The following PYGO1 variants were observed in gnomAD, a reference collection of about 807,000 sequenced individuals.
PYGO1 encodes pygopus family PHD finger 1, also known as pygopus homolog 1.
In PYGO1, 6 loss-of-function variants were observed where a neutral mutation model predicts 29.5. That is an observed-to-expected ratio of 0.20 (90% CI 0.11 to 0.40). The LOEUF (loss-of-function observed/expected upper bound fraction) is 0.40. PYGO1 is among the 10% of genes least tolerant of loss of function. The pLI is 1.00. For synonymous variants in PYGO1, 186 were observed against 180.5 expected, an observed-to-expected ratio of 1.03 and a Z score of -0.24; for missense variants, 515 against 514.9, an observed-to-expected ratio of 1.00 and a Z score of 0.00.
At chr15:55,565,614 G>A (rs778005668) in intron 1 of PYGO1, among the ~76,000 whole-genome samples, 4 of 151,822 alleles carry the variant, frequency 2.6e-5, no homozygotes, top group Non-Finnish European at 4.4e-5. Flanking sequence ...ACTCAGGAGG[G>A]TGAGGCATGA....
At chr15:55,576,328 C>T (rs1310067491) in intron 1 of PYGO1, among the ~76,000 whole-genome samples, 16 of 147,076 alleles carry the variant, frequency 1.1e-4, no homozygotes, top group East Asian at 2.0e-4. Context: ...TAGTGGCGGG[C>T]GCCTGTAGTC....
chr15:55,552,430 T>C (rs111567062), intron 1 of PYGO1, among the ~76,000 whole-genome samples: 85 of 136,362 alleles, frequency 6.2e-4, no homozygotes, highest in African/African-American at 2.2e-3. Context: ...AGAATGAAAA[T>C]GGTGTGTGAA....
chr15:55,550,479 G>C (rs1327233320), intron 1 of PYGO1, among the ~76,000 whole-genome samples: 1 of 152,086 alleles, frequency 6.6e-6, no homozygotes, highest in African/African-American at 2.4e-5. Flanking sequence ...CCCCAAACCA[G>C]CTTCAACATG....
intron 1 of PYGO1, among the ~76,000 whole-genome samples, chr15:55,558,655 G>C (rs1316318138): frequency 6.6e-6 from 1 of 151,894 alleles, no homozygotes; most frequent in Non-Finnish European, 1.5e-5. Flanking sequence ...CAGAGATATA[G>C]ACCAATGGAA....
intron 1 of PYGO1, among the ~76,000 whole-genome samples, chr15:55,567,506 T>C (rs867470524): frequency 2.0e-5 from 3 of 152,164 alleles, no homozygotes; most frequent in South Asian, 2.1e-4. Flanking sequence ...AAATTCTGGA[T>C]ATTAGACCTT....
At chr15:55,573,397 G>A (rs996093669) in intron 1 of PYGO1, among the ~76,000 whole-genome samples, 2 of 152,118 alleles carry the variant, frequency 1.3e-5, no homozygotes, top group Non-Finnish European at 2.9e-5. Flanking sequence ...TGGTGGGAAT[G>A]TAAGTTGGTA....
chr15:55,552,071 T>G (rs2058881114), intron 1 of PYGO1, among the ~76,000 whole-genome samples: 1 of 151,938 alleles, frequency 6.6e-6, no homozygotes, highest in African/African-American at 2.4e-5. Context: ...GAAGCAGCTG[T>G]GGGCCAGGCA....
Position 55,544,864 on chromosome 15 carries a change from A to G in PYGO1, c.*1159T>C, listed in dbSNP as rs1168015673. On this transcript the variant is annotated 3_prime_UTR_variant, in exon 3 of 3. Coordinates refer to ENST00000563719, the MANE Select transcript of PYGO1 (RefSeq NM_001367806.1). ...TTGAATCTTAATGAGCACAACTCCA[A>G]CTGTCTCCATTCTTGATCATCCCTC... 2 of 152,052 alleles carry G rather than the reference A, an allele frequency of 1.3e-5. No homozygotes were observed. Among genetic ancestry groups the G allele is most frequent in the East Asian group, 3.9e-4 (2 of 5,182 alleles). The allele number at this position is 152,052 out of a possible 1,614,324, so 9.4% of individuals were successfully genotyped here.
chr15:55,558,027 G>T (rs866424061), intron 1 of PYGO1, among the ~76,000 whole-genome samples: 6 of 152,108 alleles, frequency 3.9e-5, no homozygotes, highest in African/African-American at 1.4e-4. Flanking sequence ...GAAATAAAGG[G>T]TATTCAATTA....
At position 55,542,401 on chromosome 15, in the gene PYGO1, G is replaced by A. The variant is rs77921835; in HGVS notation, c.*3622C>T. ...AGTACAAGAAAATCTTTAGTTTTAT[G>A]TATATAACCTTCTAATTTGAATAAC... On this transcript the variant is annotated 3_prime_UTR_variant, in exon 3 of 3. Coordinates refer to ENST00000563719, the MANE Select transcript of PYGO1 (RefSeq NM_001367806.1). 6.6e-6 allele frequency: 1 copy of A among 152,118 alleles called. No individual in the cohort carries two copies. The highest frequency in any genetic ancestry group is 6.5e-5 in the Admixed American group (1 of 15,282). The allele number at this position is 152,118 out of a possible 1,614,324, so 9.4% of individuals were successfully genotyped here.
chr15:55,555,052 T>C (rs2058898018), intron 1 of PYGO1, among the ~76,000 whole-genome samples: 1 of 151,566 alleles, frequency 6.6e-6, no homozygotes, highest in Non-Finnish European at 1.5e-5. Context: ...CCAAGATACA[T>C]AATCATCAGA....
intron 2 of PYGO1, among the ~76,000 whole-genome samples, chr15:55,547,775 C>T (rs2058858977): frequency 6.6e-6 from 1 of 152,062 alleles, no homozygotes; most frequent in African/African-American, 2.4e-5. Context: ...AAGAGTGCTT[C>T]AAATTTATAA....
chr15:55,574,273 C>A (rs937551723), intron 1 of PYGO1, among the ~76,000 whole-genome samples: 1 of 152,182 alleles, frequency 6.6e-6, no homozygotes, highest in African/African-American at 2.4e-5. Flanking sequence ...GACCTCACCA[C>A]AATAGCAATA....
chr15:55,579,060 T>C (rs1255284810), intron 1 of PYGO1, among the ~76,000 whole-genome samples: 1 of 152,180 alleles, frequency 6.6e-6, no homozygotes, highest in Non-Finnish European at 1.5e-5. Context: ...GGGAAGATGG[T>C]AAATAAAGAA....
intron 1 of PYGO1, among the ~76,000 whole-genome samples, chr15:55,584,897 C>G (rs770923317): frequency 6.6e-6 from 1 of 152,192 alleles, no homozygotes; most frequent in South Asian, 2.1e-4. Flanking sequence ...CCTTTATAAT[C>G]TAGGTCTATT....
upstream of PYGO1, chr15:55,588,658 C>A: frequency 1.4e-6 from 1 of 692,514 alleles, no homozygotes; most frequent in Non-Finnish European, 2.1e-6. Flanking sequence ...GCTCCCTCGC[C>A]GACCGCCAGG....
At chr15:55,581,164 G>C (rs567129912) in intron 1 of PYGO1, among the ~76,000 whole-genome samples, 8 of 152,296 alleles carry the variant, frequency 5.3e-5, no homozygotes, top group Non-Finnish European at 2.9e-5. Flanking sequence ...GGCTGAGTGG[G>C]GAGCTCAGGA....
chr15:55,584,391 G>C (rs190090281), intron 1 of PYGO1, among the ~76,000 whole-genome samples: 54 of 152,170 alleles, frequency 3.5e-4, no homozygotes, highest in African/African-American at 1.1e-3. Context: ...GATTACAAGC[G>C]TGAGCCACTG....
intron 1 of PYGO1, among the ~76,000 whole-genome samples, chr15:55,586,255 C>T (rs954649218): frequency 2.0e-5 from 3 of 152,200 alleles, no homozygotes; most frequent in Non-Finnish European, 2.9e-5. Flanking sequence ...GCAATCACCT[C>T]CCTACTAGTC....
Sources: allele counts gnomAD v4.1 joint callset (sites outside exome capture counted in the v4.1 genomes callset), GRCh38; gene constraint gnomAD v4.1.1; transcripts MANE v1.5; gene names NCBI Gene and HGNC (gene_info 2026-07-23, HGNC 2026-07-21).